Variants in TRAK1 observed in about 807,000 individuals in gnomAD.
The protein encoded by TRAK1 is trafficking kinesin protein 1.
A neutral mutation model predicts 92.1 loss-of-function variants in TRAK1; 33 were observed. The observed-to-expected ratio is 0.36, with a 90% CI of 0.27 to 0.48. TRAK1 has a LOEUF of 0.48. Ranked by LOEUF, TRAK1 falls within the 20% of genes least tolerant of loss-of-function variation. The probability of loss-of-function intolerance (pLI) is 0.99; values close to 1 mark genes in which losing one functional copy is unlikely to be tolerated. For missense variants in TRAK1, 1,123 were observed against 1,257.9 expected, an observed-to-expected ratio of 0.89 and a Z score of 1.62; for synonymous variants, 521 against 517.3, an observed-to-expected ratio of 1.01 and a Z score of -0.10.
At chr3:42,126,845 T>G (rs1710623064) in intron 2 of TRAK1, among the ~76,000 whole-genome samples, 1 of 152,256 alleles carries the variant, frequency 6.6e-6, no homozygotes, top group African/African-American at 2.4e-5. Flanking sequence ...ATGTTTTCAG[T>G]TCTCTTTATT....
chr3:42,033,686 G>C (rs1305480313), intron 1 of TRAK1, among the ~76,000 whole-genome samples: 2 of 152,164 alleles, frequency 1.3e-5, no homozygotes, highest in Non-Finnish European at 2.9e-5. Context: ...TGTGGTTGTG[G>C]GGATTAGATA....
intron 1 of TRAK1, among the ~76,000 whole-genome samples, chr3:42,079,730 C>T (rs1470025205): frequency 6.6e-6 from 1 of 152,092 alleles, no homozygotes; most frequent in Admixed American, 6.5e-5. Context: ...ATCCGCCCTC[C>T]TCGGCCTCCT....
intron 2 of TRAK1, among the ~76,000 whole-genome samples, chr3:42,131,582 T>C (rs563462370): frequency 3.7e-5 from 5 of 133,584 alleles, no homozygotes; most frequent in Admixed American, 7.4e-5. Context: ...CCAGGCATGG[T>C]GGCGTGCACC....
chr3:42,089,181 G>A (rs887651122), upstream of TRAK1, among the ~76,000 whole-genome samples: 2 of 152,132 alleles, frequency 1.3e-5, no homozygotes, highest in Admixed American at 1.3e-4. Context: ...AACCTTGGAG[G>A]CATTTGTGAT....
Position 42,213,354 on chromosome 3 carries a change from G to A in TRAK1, c.1963+3369G>A, listed in dbSNP as rs145073137. ...TTCCTGGTGTGAGCCACCACATCTG[G>A]CCTAGAGCTGAGATCTTAAAGTCAG... is the stretch of plus-strand genomic sequence containing the variant. On this transcript the variant is annotated intron_variant, in intron 14 of 15. Transcript: ENST00000327628. 4.5e-3 allele frequency among the ~76,000 whole-genome samples: 684 copies of A among 152,264 alleles called. 7 individuals carry two copies. The highest frequency in any genetic ancestry group is 0.016 in the African/African-American group (652 of 41,560).
intron 1 of TRAK1, among the ~76,000 whole-genome samples, chr3:42,113,356 G>A (rs59636851): frequency 2.2e-5 from 3 of 135,486 alleles, no homozygotes; most frequent in African/African-American, 6.1e-5. Context: ...CTACTCCTAC[G>A]CCTACGCCTA....
At chr3:42,063,705 G>A (rs1311849105) in intron 1 of TRAK1, among the ~76,000 whole-genome samples, 1 of 150,748 alleles carries the variant, frequency 6.6e-6, no homozygotes, top group East Asian at 2.0e-4. Context: ...AAAAAAAAGT[G>A]GTGGGAGCCA....
chr3:42,171,953 T>C (rs1336726980), intron 2 of TRAK1, among the ~76,000 whole-genome samples: 1 of 152,128 alleles, frequency 6.6e-6, no homozygotes, highest in African/African-American at 2.4e-5. Flanking sequence ...TCCATGGAGC[T>C]CACTCCACCT....
intron 2 of TRAK1, among the ~76,000 whole-genome samples, chr3:42,167,856 G>A (rs1039002262): frequency 5.9e-5 from 9 of 152,150 alleles, no homozygotes; most frequent in African/African-American, 2.2e-4. Flanking sequence ...CTCCAGCCTG[G>A]GCGTCACAGC....
chr3:42,196,580 C>T (rs1706673470), intron 10 of TRAK1, among the ~76,000 whole-genome samples: 3 of 149,154 alleles, frequency 2.0e-5, no homozygotes, highest in Admixed American at 1.3e-4. Context: ...CTCTGTCATC[C>T]AGGCTGGAGT....
At chr3:42,206,558 C>T (rs558480227) in intron 13 of TRAK1, among the ~76,000 whole-genome samples, 19 of 152,298 alleles carry the variant, frequency 1.2e-4, no homozygotes, top group Non-Finnish European at 1.9e-4. Flanking sequence ...ACTCAAGTTT[C>T]CTCATCTGCA....
At chr3:42,197,421 C>T (rs1040441194) in intron 10 of TRAK1, among the ~76,000 whole-genome samples, 2 of 151,484 alleles carry the variant, frequency 1.3e-5, no homozygotes, top group East Asian at 1.9e-4. Context: ...TATACTGTAC[C>T]GATTTTTAAA....
At chr3:42,018,426 G>A (rs892531770) in intron 1 of TRAK1, among the ~76,000 whole-genome samples, 16 of 152,160 alleles carry the variant, frequency 1.1e-4, no homozygotes, top group African/African-American at 3.6e-4. Context: ...CTAGTTCCAG[G>A]ACATTCAACA....
At chr3:42,147,592 C>A (rs1013553415) in intron 2 of TRAK1, among the ~76,000 whole-genome samples, 4 of 152,232 alleles carry the variant, frequency 2.6e-5, no homozygotes, top group African/African-American at 9.6e-5. Flanking sequence ...CTGCCTTTAA[C>A]TTCTCTTTTC....
At chr3:42,113,557 G>A (rs1708772602) in intron 1 of TRAK1, among the ~76,000 whole-genome samples, 1 of 151,582 alleles carries the variant, frequency 6.6e-6, no homozygotes, top group Admixed American at 6.6e-5. Flanking sequence ...GGAACTACAG[G>A]TGTGTGCCAT....
chr3:42,127,489 A>C (rs1710738499), intron 2 of TRAK1, among the ~76,000 whole-genome samples: 1 of 151,710 alleles, frequency 6.6e-6, no homozygotes, highest in Non-Finnish European at 1.5e-5. Flanking sequence ...AGTAGCTAGG[A>C]CTACATGTAT....
At chr3:42,210,775 G>A (rs1007757953) in intron 14 of TRAK1, 11 of 985,304 alleles carry the variant, frequency 1.1e-5, no homozygotes, top group Non-Finnish European at 1.3e-5. Context: ...ATAAACCTTC[G>A]GAGAACGTCA....
intron 2 of TRAK1, among the ~76,000 whole-genome samples, chr3:42,144,291 T>C (rs942523917): frequency 5.9e-5 from 9 of 151,686 alleles, no homozygotes; most frequent in Admixed American, 6.6e-5. Context: ...AAGATTAGAG[T>C]GATGAAGATG....
chr3:42,016,760 C>A (rs1329760313), intron 1 of TRAK1, among the ~76,000 whole-genome samples: 2 of 152,182 alleles, frequency 1.3e-5, no homozygotes, highest in Non-Finnish European at 2.9e-5. Context: ...CTGCAAGGGA[C>A]AGTTCTTTTT....
Sources: allele counts gnomAD v4.1 joint callset (sites outside exome capture counted in the v4.1 genomes callset), GRCh38; gene constraint gnomAD v4.1.1; transcripts MANE v1.5; gene names NCBI Gene and HGNC (gene_info 2026-07-23, HGNC 2026-07-21).